NEGR1: variants seen among roughly 807,000 people sequenced by gnomAD.
NEGR1 encodes neuronal growth regulator 1.
In NEGR1, 10 loss-of-function variants were observed where a neutral mutation model predicts 40.9. The ratio of observed to expected loss-of-function variants is 0.24; its 90% CI spans 0.15 to 0.42. The LOEUF (loss-of-function observed/expected upper bound fraction) is 0.42. Among genes scored for constraint, NEGR1 ranks in the 10% least tolerant of loss-of-function variants. The pLI, the probability that NEGR1 is intolerant of heterozygous loss-of-function variation, is 1.00. For missense variants in NEGR1, 352 were observed against 438.9 expected (o/e 0.80, Z 1.77); for synonymous variants, 185 against 166.8 (o/e 1.11, Z -0.84).
chr1:71,570,714 A>G (rs1424682870), intron 6 of NEGR1, among the ~76,000 whole-genome samples: 3 of 151,826 alleles, frequency 2.0e-5, no homozygotes, highest in Non-Finnish European at 4.4e-5. Flanking sequence ...GTCTCTAGCC[A>G]TTTCTCTCCA....
chr1:72,231,150 T>G (rs1426963493), intron 1 of NEGR1, among the ~76,000 whole-genome samples: 4 of 152,178 alleles, frequency 2.6e-5, no homozygotes, highest in Non-Finnish European at 5.9e-5. Context: ...AGATTGTCAC[T>G]GTACTTTTAC....
At chr1:71,536,306 C>A (rs558063240) in intron 6 of NEGR1, among the ~76,000 whole-genome samples, 7 of 151,652 alleles carry the variant, frequency 4.6e-5, no homozygotes, top group African/African-American at 1.7e-4. Context: ...GTTTGGGCTA[C>A]GGAAGTGGAT....
chr1:71,676,421 G>A (rs914049116), intron 4 of NEGR1, among the ~76,000 whole-genome samples: 7 of 151,970 alleles, frequency 4.6e-5, no homozygotes, highest in Admixed American at 2.0e-4. Flanking sequence ...GCACCAGTGC[G>A]CTACAAACAA....
At chr1:72,076,037 A>ACAGAAG (rs1647717402) in intron 1 of NEGR1, among the ~76,000 whole-genome samples, 1 of 152,210 alleles carries the variant, frequency 6.6e-6, no homozygotes, top group South Asian at 2.1e-4. Flanking sequence ...TATAAGTAAA[A>ACAGAAG]CAGAAGCAGA....
intron 1 of NEGR1, among the ~76,000 whole-genome samples, chr1:72,077,814 T>TA (rs1367995536): frequency 4.7e-5 from 7 of 148,806 alleles, no homozygotes; most frequent in East Asian, 2.0e-4. Context: ...CTGTCTCAAA[T>TA]AAAAAAAAGA....
intron 1 of NEGR1, among the ~76,000 whole-genome samples, chr1:72,071,422 C>G (rs985036823): frequency 6.6e-6 from 1 of 152,060 alleles, no homozygotes; most frequent in East Asian, 1.9e-4. Context: ...ACAAGTATCC[C>G]AAATTAGGTC....
chr1:71,931,572 GA>G (rs1024030412), intron 2 of NEGR1, among the ~76,000 whole-genome samples: 4 of 152,096 alleles, frequency 2.6e-5, no homozygotes, highest in African/African-American at 9.7e-5. Context: ...AAGAAAGCAA[GA>G]GGGGGCCTAA....
intron 1 of NEGR1, among the ~76,000 whole-genome samples, chr1:72,277,261 G>A (rs1431635666): frequency 6.6e-6 from 1 of 152,158 alleles, no homozygotes; most frequent in African/African-American, 2.4e-5. Context: ...CAGAATAGCA[G>A]ATGGACAAAG....
chr1:71,428,673 A>G (rs1646445393), intron 6 of NEGR1, among the ~76,000 whole-genome samples: 1 of 149,116 alleles, frequency 6.7e-6, no homozygotes, highest in Non-Finnish European at 1.5e-5. Flanking sequence ...TATAATAAAT[A>G]AATTTATTTT....
intron 2 of NEGR1, among the ~76,000 whole-genome samples, chr1:71,804,968 T>C (rs561868116): frequency 1.2e-3 from 177 of 152,250 alleles, no homozygotes; most frequent in Non-Finnish European, 1.5e-3. Flanking sequence ...GCAAGGAACA[T>C]CCCTGAGAAG....
At chr1:72,252,139 CTT>C (rs1655122271) in intron 1 of NEGR1, among the ~76,000 whole-genome samples, 1 of 130,536 alleles carries the variant, frequency 7.7e-6, no homozygotes, top group Admixed American at 7.0e-5. Flanking sequence ...GAGTTTTGCT[CTT>C]GTTTTCCAGG....
At chr1:71,701,526 T>C (rs1187509633) in intron 3 of NEGR1, among the ~76,000 whole-genome samples, 11 of 152,072 alleles carry the variant, frequency 7.2e-5, no homozygotes. Flanking sequence ...CTTTTAAGGA[T>C]TCATGTGATT....
chr1:71,735,999 A>G (rs1655030224), intron 3 of NEGR1, among the ~76,000 whole-genome samples: 1 of 152,104 alleles, frequency 6.6e-6, no homozygotes, highest in Admixed American at 6.6e-5. Flanking sequence ...CAAAGAGAAT[A>G]TTGACAGAGT....
At chr1:72,170,759 T>C (rs989167499) in intron 1 of NEGR1, among the ~76,000 whole-genome samples, 13 of 152,202 alleles carry the variant, frequency 8.5e-5, no homozygotes, top group African/African-American at 2.9e-4. Context: ...TGTTTTTGTA[T>C]TCACTGTTGT....
intron 2 of NEGR1, among the ~76,000 whole-genome samples, chr1:71,805,191 G>A (rs553289777): frequency 8.5e-5 from 13 of 152,234 alleles, no homozygotes; most frequent in African/African-American, 2.2e-4. Context: ...ATGACAATGC[G>A]TGCCCAAAAC....
chr1:72,154,981 T>C (rs1422865308), intron 1 of NEGR1, among the ~76,000 whole-genome samples: 3 of 152,014 alleles, frequency 2.0e-5, no homozygotes, highest in Non-Finnish European at 4.4e-5. Context: ...AGAAAAACTC[T>C]GCAAATTCTT....
intron 6 of NEGR1, among the ~76,000 whole-genome samples, chr1:71,552,125 C>T (rs948455776): frequency 1.3e-5 from 2 of 151,414 alleles, no homozygotes; most frequent in East Asian, 2.0e-4. Context: ...GAATCTCTCA[C>T]TCTTCATATC....
At chr1:72,259,995 A>G (rs1655403296) in intron 1 of NEGR1, among the ~76,000 whole-genome samples, 1 of 152,104 alleles carries the variant, frequency 6.6e-6, no homozygotes, top group Non-Finnish European at 1.5e-5. Context: ...ATCAGCTGAA[A>G]TATAACTTTA....
intron 1 of NEGR1, among the ~76,000 whole-genome samples, chr1:72,133,189 T>C (rs1037284850): frequency 2.0e-5 from 3 of 152,090 alleles, no homozygotes; most frequent in African/African-American, 7.2e-5. Flanking sequence ...TGATGTAATA[T>C]ATGTAGAAAA....
Sources: gnomAD v4.1 joint callset for allele counts (sites outside exome capture counted in the v4.1 genomes callset) on GRCh38, gnomAD v4.1.1 for gene constraint, MANE v1.5 for transcripts, NCBI Gene and HGNC (gene_info 2026-07-23, HGNC 2026-07-21) for gene names.